PIK3C2G: variants seen among roughly 807,000 people sequenced by gnomAD.
The protein encoded by PIK3C2G is phosphatidylinositol-4-phosphate 3-kinase catalytic subunit type 2 gamma.
In PIK3C2G, 168 loss-of-function variants were observed where a neutral mutation model predicts 181.1. That is an observed-to-expected ratio of 0.93 (90% CI 0.82 to 1.05). The LOEUF (loss-of-function observed/expected upper bound fraction) is 1.05, where lower values mean the gene tolerates loss of function less well. PIK3C2G is among the 50% of genes least tolerant of loss of function. The probability of loss-of-function intolerance (pLI) is 0.00; values close to 1 mark genes in which losing one functional copy is unlikely to be tolerated. For synonymous variants in PIK3C2G, 573 were observed against 592.2 expected (o/e 0.97, Z 0.47); for missense variants, 1,869 against 1,732.8 (o/e 1.08, Z -1.40).
At chr12:18,563,555 G>A in intron 28 of PIK3C2G, 57 bp downstream of exon 28, 1 of 1,533,386 alleles carries the variant, frequency 6.5e-7, no homozygotes, top group Non-Finnish European at 8.9e-7. Flanking sequence ...TGAGCAAAAA[G>A]AAAAATTATG....
chr12:18,368,540 C>T (rs999674443), intron 12 of PIK3C2G, among the ~76,000 whole-genome samples: 3 of 152,176 alleles, frequency 2.0e-5, no homozygotes, highest in East Asian at 3.9e-4. Context: ...ACATCATACC[C>T]TAAACTATAC....
chr12:18,461,467 G>A (rs1356200697), intron 18 of PIK3C2G, among the ~76,000 whole-genome samples: 3 of 152,112 alleles, frequency 2.0e-5, no homozygotes, highest in Non-Finnish European at 2.9e-5. Flanking sequence ...GGGTGGAATT[G>A]ATAGAACAGA....
intron 31 of PIK3C2G, among the ~76,000 whole-genome samples, chr12:18,611,098 A>G (rs1329153479): frequency 6.6e-6 from 1 of 152,098 alleles, no homozygotes; most frequent in Admixed American, 6.6e-5. Flanking sequence ...CAGTTTTCAA[A>G]AATGCATTTT....
chr12:18,647,972 T>C lies in PIK3C2G; in HGVS notation c.4405T>C (p.Cys1469Arg). ...TGTGGGAGCAATTAACATCCGACTCTGTAGTGTCCCACTCGATAAAGAAAA... is the reference window on the plus strand; with the variant it reads ...TGTGGGAGCAATTAACATCCGACTCCGTAGTGTCCCACTCGATAAAGAAAA... ...VFVGAINIRL[C>R]SVPLDKEKWY... Residue 1469 changes from cysteine (C) to arginine (R), a missense_variant, in exon 33 of 33, where the codon TGT (cysteine) becomes CGT (arginine). Physicochemically the swap from Cys to Arg is radical, Grantham distance 180. Coordinates refer to ENST00000538779, the MANE Select transcript of PIK3C2G (RefSeq NM_001288772.2). 6.2e-7 allele frequency: 1 copy of C among 1,600,756 alleles called. No homozygotes were observed. Among genetic ancestry groups the C allele is most frequent in the South Asian group, 1.1e-5 (1 of 89,376 alleles).
chr12:18,479,955 T>C (rs1403131496), intron 18 of PIK3C2G, among the ~76,000 whole-genome samples: 1 of 152,146 alleles, frequency 6.6e-6, no homozygotes, highest in African/African-American at 2.4e-5. Flanking sequence ...AATATGAGTA[T>C]AATTATACTC....
At chr12:18,433,241 G>T (rs910159821) in intron 18 of PIK3C2G, among the ~76,000 whole-genome samples, 1 of 152,122 alleles carries the variant, frequency 6.6e-6, no homozygotes, top group African/African-American at 2.4e-5. Context: ...GTGTCCCGGC[G>T]TGGTGGCTCA....
intron 1 of PIK3C2G, among the ~76,000 whole-genome samples, chr12:18,251,654 T>C (rs932111269): frequency 6.6e-6 from 1 of 152,098 alleles, no homozygotes; most frequent in African/African-American, 2.4e-5. Flanking sequence ...CATACTATTA[T>C]ACTTAATCTG....
At chr12:18,429,409 C>T (rs1451828180) in intron 18 of PIK3C2G, among the ~76,000 whole-genome samples, 1 of 152,116 alleles carries the variant, frequency 6.6e-6, no homozygotes, top group African/African-American at 2.4e-5. Context: ...AATAATATAA[C>T]AGACTTTATG....
At chr12:18,558,479 A>G (rs1045020376) in intron 26 of PIK3C2G, among the ~76,000 whole-genome samples, 9 of 152,192 alleles carry the variant, frequency 5.9e-5, no homozygotes, top group Non-Finnish European at 1.2e-4. Context: ...ATTACATACA[A>G]TTGTGATTCT....
intron 18 of PIK3C2G, among the ~76,000 whole-genome samples, chr12:18,478,982 A>T (rs576171594): frequency 6.8e-6 from 1 of 147,896 alleles, no homozygotes; most frequent in African/African-American, 2.5e-5. Flanking sequence ...CTCAAAAAAA[A>T]AAAAATATAT....
intron 12 of PIK3C2G, among the ~76,000 whole-genome samples, chr12:18,366,517 G>A (rs1941653139): frequency 6.6e-6 from 1 of 152,132 alleles, no homozygotes; most frequent in Non-Finnish European, 1.5e-5. Context: ...GCAACAGAGT[G>A]AGATTCTGTC....
Position 18,639,332 on chromosome 12 carries a change from G to A in PIK3C2G, c.4183-1097G>A, listed in dbSNP as rs976716057. The stretch of plus-strand genomic sequence containing the variant: ...AAGATGTGAAATTAAAGCTAATGGA[G>A]CTGGGTGTGGGGGTGCACTGGTTTT... On this transcript the variant is annotated intron_variant, in intron 31 of 32. Transcript: ENST00000538779. Among the ~76,000 whole-genome samples the A allele has an allele frequency of 6.6e-5, 10 of 152,136 alleles. No homozygotes were observed. The South Asian group carries it at 2.1e-3, about 32-fold the overall frequency.
At chr12:18,280,320 G>A (rs972233664) in intron 1 of PIK3C2G, among the ~76,000 whole-genome samples, 7 of 151,940 alleles carry the variant, frequency 4.6e-5, no homozygotes, top group African/African-American at 1.7e-4. Context: ...TGTAATTACA[G>A]GTGTAATTAT....
intron 8 of PIK3C2G, among the ~76,000 whole-genome samples, chr12:18,331,206 G>A (rs1867384441): frequency 6.6e-6 from 1 of 151,914 alleles, no homozygotes; most frequent in Non-Finnish European, 1.5e-5. Context: ...AAAAATATTT[G>A]GCTATTCTAA....
chr12:18,508,433 T>A (rs1334864378), intron 24 of PIK3C2G, among the ~76,000 whole-genome samples: 5 of 152,146 alleles, frequency 3.3e-5, no homozygotes, highest in Non-Finnish European at 7.4e-5. Flanking sequence ...CCATACTAGG[T>A]TCATTGTTTG....
intron 18 of PIK3C2G, among the ~76,000 whole-genome samples, chr12:18,467,097 G>C (rs1246724633): frequency 1.3e-5 from 2 of 151,976 alleles, no homozygotes; most frequent in African/African-American, 4.8e-5. Flanking sequence ...GTCATTCATA[G>C]TGTATTAGGC....
intron 29 of PIK3C2G, among the ~76,000 whole-genome samples, chr12:18,593,903 T>A (rs1040525868): frequency 6.6e-6 from 1 of 151,748 alleles, no homozygotes; most frequent in Non-Finnish European, 1.5e-5. Flanking sequence ...TCTTGATATA[T>A]CCCCTGATTC....
Position 18,545,121 on chromosome 12 carries a change from T to C in PIK3C2G, c.3481-1202T>C, listed in dbSNP as rs116771761. ...TACAAAATCCTTAATGTTGCCAGAA[T>C]GTCTTATCCTACTTGCCTTTCATCC... On this transcript the variant is annotated intron_variant, in intron 25 of 32. Coordinates refer to ENST00000538779, the MANE Select transcript of PIK3C2G (RefSeq NM_001288772.2). Among the ~76,000 whole-genome samples the C allele has an allele frequency of 3.2e-3, 481 of 151,990 alleles. 2 individuals carry two copies. The highest frequency in any genetic ancestry group is 0.011 in the African/African-American group (460 of 41,506).
intron 1 of PIK3C2G, among the ~76,000 whole-genome samples, chr12:18,275,178 T>C (rs1403025102): frequency 6.6e-6 from 1 of 152,172 alleles, no homozygotes; most frequent in Non-Finnish European, 1.5e-5. Context: ...ATATATCACA[T>C]TATTTGCTTC....
Sources: gnomAD v4.1 joint callset for allele counts (sites outside exome capture counted in the v4.1 genomes callset) on GRCh38, gnomAD v4.1.1 for gene constraint, MANE v1.5 for transcripts, NCBI Gene and HGNC (gene_info 2026-07-23, HGNC 2026-07-21) for gene names.